Variants in CCDC92B observed in about 807,000 individuals in gnomAD.
CCDC92B encodes coiled-coil domain-containing 92B.
CCDC92B carries 2 observed loss-of-function variants against 5.6 expected under a neutral mutation model. The observed-to-expected ratio is 0.36, with a 90% CI of 0.15 to 1.12. CCDC92B has a LOEUF of 1.12. Among genes scored for constraint, CCDC92B ranks in the 50% most tolerant of loss-of-function variants. The probability of loss-of-function intolerance (pLI) is 0.40; values close to 1 mark genes in which losing one functional copy is unlikely to be tolerated. For synonymous variants in CCDC92B, 115 were observed against 122.3 expected, an observed-to-expected ratio of 0.94 and a Z score of 0.39; for missense variants, 271 against 262.2, an observed-to-expected ratio of 1.03 and a Z score of -0.23.
chr17:2,728,376 G>C (rs950431249), intron 3 of CCDC92B, among the ~76,000 whole-genome samples: 1 of 151,972 alleles, frequency 6.6e-6, no homozygotes, highest in South Asian at 2.1e-4. Flanking sequence ...GGGAGGCCGA[G>C]GTGGGTGGAT....
rs878949967 is a variant in CCDC92B, at chr17:2,748,323, T to C, written c.-24+1088A>G. The C allele has an allele frequency of 2.2e-5, 27 of 1,236,952 alleles. No individual in the cohort carries two copies. The Middle Eastern group carries it at 5.2e-3, about 238-fold the overall frequency. The allele number at this position is 1,236,952 out of a possible 1,614,324, so 76.6% of individuals were successfully genotyped here. ...ACTTTTACCATGAAGCCATCCCTGA[T>C]CCCCCACCAAGATGGAACGACTCTC... On this transcript the variant is annotated intron_variant, in intron 1 of 3. Transcript: ENST00000614400.
intron 1 of CCDC92B, among the ~76,000 whole-genome samples, chr17:2,744,165 G>A (rs1293819352): frequency 6.7e-6 from 1 of 150,100 alleles, no homozygotes; most frequent in East Asian, 2.0e-4. Context: ...TGTGAGCCAC[G>A]GCGCTGCACC....
At chr17:2,728,096 G>A in intron 3 of CCDC92B, among the ~76,000 whole-genome samples, 1 of 149,942 alleles carries the variant, frequency 6.7e-6, no homozygotes, top group Admixed American at 6.6e-5. Flanking sequence ...GAGGCTGAGG[G>A]GGGCAAATTG....
At chr17:2,742,219 G>C (rs763795049) in intron 1 of CCDC92B, among the ~76,000 whole-genome samples, 3 of 152,062 alleles carry the variant, frequency 2.0e-5, no homozygotes, top group Non-Finnish European at 2.9e-5. Context: ...CCACAGGCTC[G>C]TGCCCCCGTG....
rs371422294 is a variant in CCDC92B, at chr17:2,731,618, G to C, written c.131-1125C>G. The stretch of plus-strand genomic sequence containing the variant: ...GGCTCTTCCAGAGACCCAGGGCTTT[G>C]CCAGAGGTGCCTTCTCTGAGGAGGC... On this transcript the variant is annotated intron_variant, in intron 2 of 3. Coordinates refer to ENST00000614400, the MANE Select transcript of CCDC92B (RefSeq NM_001355573.2). 2.6e-4 allele frequency among the ~76,000 whole-genome samples: 40 copies of C among 152,350 alleles called. 1 individual carries two copies. Among genetic ancestry groups the C allele is most frequent in the Admixed American group, 2.0e-3 (30 of 15,306 alleles).
In CCDC92B at chr17:2,724,386, C is replaced by T; in HGVS notation, c.*25G>A. ...CCTGGCCGGCCCTCCCCGTCCGTCC[C>T]GCGTCACCCCGGCCAGCCTGGCGCC... On this transcript the variant is annotated 3_prime_UTR_variant, in exon 4 of 4. Coordinates refer to ENST00000614400, the MANE Select transcript of CCDC92B (RefSeq NM_001355573.2). This position sits in a 1 kb window ranked among gnomAD's most constrained non-coding sequence, Gnocchi z 5.0. 6.1e-6 allele frequency: 6 copies of T among 985,006 alleles called. No homozygotes were observed. Among genetic ancestry groups the T allele is most frequent in the Non-Finnish European group, 7.2e-6 (6 of 829,798 alleles). 61.0% of individuals were successfully genotyped at this position (985,006 alleles called of 1,614,324 possible).
intron 1 of CCDC92B, among the ~76,000 whole-genome samples, chr17:2,738,471 G>T (rs2070879455): frequency 6.6e-6 from 1 of 151,964 alleles, no homozygotes; most frequent in Non-Finnish European, 1.5e-5. Context: ...GATTAAATGA[G>T]ATAAGAAATG....
chr17:2,738,616 C>T (rs71359176), intron 1 of CCDC92B, among the ~76,000 whole-genome samples: 31,225 of 150,648 alleles, frequency 0.21, 3,570 homozygotes, highest in East Asian at 0.42. Context: ...AAAAATTAGC[C>T]GGGTGTGGTG....
intron 1 of CCDC92B, chr17:2,748,254 C>T: frequency 1.2e-6 from 1 of 830,254 alleles, no homozygotes; most frequent in Non-Finnish European, 1.8e-6. Flanking sequence ...CCTATCTCTG[C>T]CTCTTGAAGC....
At chr17:2,732,091 G>T (rs190848000) in intron 2 of CCDC92B, among the ~76,000 whole-genome samples, 2 of 152,298 alleles carry the variant, frequency 1.3e-5, no homozygotes, top group Non-Finnish European at 2.9e-5. Flanking sequence ...AAAAACAGCG[G>T]GCTTGGCCCA....
intron 1 of CCDC92B, among the ~76,000 whole-genome samples, chr17:2,736,871 ACT>A (rs1402391592): frequency 1.4e-5 from 2 of 147,152 alleles, no homozygotes; most frequent in East Asian, 2.0e-4. Flanking sequence ...ACAGAGTGAG[ACT>A]CTGTCTCAAA....
At chr17:2,745,740 A>T (rs1031007180) in intron 1 of CCDC92B, among the ~76,000 whole-genome samples, 2 of 152,088 alleles carry the variant, frequency 1.3e-5, no homozygotes, top group African/African-American at 4.8e-5. Context: ...CTCATGCCCG[A>T]GGACTTGACC....
intron 3 of CCDC92B, among the ~76,000 whole-genome samples, chr17:2,728,497 A>G (rs141029642): frequency 6.6e-6 from 1 of 151,996 alleles, no homozygotes; most frequent in South Asian, 2.1e-4. Flanking sequence ...TCCCAGCTAC[A>G]CGGGAGACTG....
At position 2,724,957 on chromosome 17, in the gene CCDC92B, C is replaced by T; in HGVS notation, c.222G>A (p.Glu74=). 1.0e-6 allele frequency: 1 copy of T among 985,568 alleles called. No homozygotes were observed. The highest frequency in any genetic ancestry group is 1.2e-6 in the Non-Finnish European group (1 of 830,040). 61.1% of individuals were successfully genotyped at this position (985,568 alleles called of 1,614,324 possible). ...CCGCAGCACGCGCCTCCAGCTGCGA[C>T]TCCAGCGCGCGGCACTTGCTCTCCA... ...RELESKCRAL[E]SQLEARAAAN... The change falls in exon 4 of 4, where the codon GAG becomes GAA. Residue 74 remains glutamate (E), a synonymous_variant. Coordinates refer to ENST00000614400, the MANE Select transcript of CCDC92B (RefSeq NM_001355573.2). The surrounding 1 kb of genome is among the most constrained non-coding windows in gnomAD (Gnocchi z 5.0).
intron 3 of CCDC92B, among the ~76,000 whole-genome samples, chr17:2,726,339 GGCTT>G (rs1442085962): frequency 8.1e-6 from 1 of 124,102 alleles, no homozygotes; most frequent in African/African-American, 2.6e-5. Context: ...CACCATGCCT[GGCTT>G]ATTTTTTTTT....
chr17:2,741,861 G>A (rs1461905009), intron 1 of CCDC92B, among the ~76,000 whole-genome samples: 2 of 150,846 alleles, frequency 1.3e-5, no homozygotes, highest in Non-Finnish European at 2.9e-5. Context: ...CAAAGTACTG[G>A]GATCACAGGC....
At chr17:2,734,553 G>A (rs2070836775) in intron 2 of CCDC92B, among the ~76,000 whole-genome samples, 1 of 150,504 alleles carries the variant, frequency 6.6e-6, no homozygotes, top group East Asian at 2.0e-4. Context: ...GCAGTGGCGT[G>A]ATCTCAGCTC....
At chr17:2,746,415 G>A (rs542826414) in intron 1 of CCDC92B, among the ~76,000 whole-genome samples, 8 of 152,324 alleles carry the variant, frequency 5.3e-5, no homozygotes, top group Non-Finnish European at 8.8e-5. Context: ...TGTCTCTGAT[G>A]TGTCTGAAAG....
At chr17:2,744,164 C>T (rs112924939) in intron 1 of CCDC92B, among the ~76,000 whole-genome samples, 2 of 152,006 alleles carry the variant, frequency 1.3e-5, no homozygotes, top group East Asian at 1.9e-4. Flanking sequence ...GTGTGAGCCA[C>T]GGCGCTGCAC....
Sources: allele counts gnomAD v4.1 joint callset (sites outside exome capture counted in the v4.1 genomes callset), GRCh38; gene constraint gnomAD v4.1.1; non-coding constraint Gnocchi (gnomAD v3.1); transcripts MANE v1.5; gene names NCBI Gene and HGNC (gene_info 2026-07-23, HGNC 2026-07-21).